FCHSD2: variants seen among roughly 807,000 people sequenced by gnomAD.
FCHSD2 encodes the protein FCH and double SH3 domains 2.
A neutral mutation model predicts 108.1 loss-of-function variants in FCHSD2; 38 were observed. The ratio of observed to expected loss-of-function variants is 0.35; its 90% CI spans 0.27 to 0.46. The LOEUF (loss-of-function observed/expected upper bound fraction) is 0.46, where lower values mean the gene tolerates loss of function less well. FCHSD2 is among the 20% of genes least tolerant of loss of function. The pLI is 1.00. For missense variants in FCHSD2, 751 were observed against 897.8 expected (o/e 0.84, Z 2.09); for synonymous variants, 279 against 314.7 (o/e 0.89, Z 1.20).
At chr11:73,120,490 G>A (rs1328383637) in intron 2 of FCHSD2, among the ~76,000 whole-genome samples, 2 of 152,164 alleles carry the variant, frequency 1.3e-5, no homozygotes, top group African/African-American at 2.4e-5. Flanking sequence ...GGCACTTTGG[G>A]AAACCAAGGC....
At chr11:73,087,798 T>C (rs552773883) in intron 2 of FCHSD2, among the ~76,000 whole-genome samples, 1 of 152,332 alleles carries the variant, frequency 6.6e-6, no homozygotes, top group South Asian at 2.1e-4. Flanking sequence ...ATTAGTTTCC[T>C]AGGCCTTTAC....
intron 10 of FCHSD2, among the ~76,000 whole-genome samples, chr11:72,893,502 G>C (rs772334552): frequency 2.6e-5 from 4 of 151,760 alleles, no homozygotes; most frequent in African/African-American, 4.8e-5. Flanking sequence ...TTTTAGTAGA[G>C]ATGAGATCTC....
rs1861259880 is a variant in FCHSD2, at chr11:73,141,966, C to A, written c.-89G>T. On this transcript the variant is annotated 5_prime_UTR_variant, in exon 1 of 20. Coordinates refer to ENST00000409418, the MANE Select transcript of FCHSD2 (RefSeq NM_014824.3). ...GGCCGGAGAGGAGGGGACGGCCCAGCGAGCGCGCGCGTGTGTGAAAGGAGC... is the reference window on the plus strand; with the variant it reads ...GGCCGGAGAGGAGGGGACGGCCCAGAGAGCGCGCGCGTGTGTGAAAGGAGC... The A allele has an allele frequency of 1.5e-6, 2 of 1,321,884 alleles. No homozygotes were observed. The highest frequency in any genetic ancestry group is 4.6e-5 in the Admixed American group (2 of 43,280). 81.9% of individuals were successfully genotyped at this position (1,321,884 alleles called of 1,614,324 possible).
intron 3 of FCHSD2, among the ~76,000 whole-genome samples, chr11:73,050,778 C>T (rs1039639682): frequency 6.6e-6 from 1 of 152,152 alleles, no homozygotes; most frequent in Non-Finnish European, 1.5e-5. Flanking sequence ...ATCTCAAATA[C>T]AGCAAATGAA....
At chr11:72,955,733 C>T (rs1856699840) in intron 8 of FCHSD2, among the ~76,000 whole-genome samples, 1 of 152,020 alleles carries the variant, frequency 6.6e-6, no homozygotes, top group Non-Finnish European at 1.5e-5. Flanking sequence ...TCTTAGGAGC[C>T]CTGTGACAGG....
At chr11:72,882,062 A>G (rs1855100743) in intron 12 of FCHSD2, among the ~76,000 whole-genome samples, 1 of 152,100 alleles carries the variant, frequency 6.6e-6, no homozygotes, top group South Asian at 2.1e-4. Context: ...GGAGAATGGC[A>G]TGAAGCCGGG....
At chr11:73,073,794 C>T (rs1189469446) in intron 3 of FCHSD2, among the ~76,000 whole-genome samples, 1 of 152,004 alleles carries the variant, frequency 6.6e-6, no homozygotes, top group Non-Finnish European at 1.5e-5. Flanking sequence ...ACTGGAAGAC[C>T]ACATAAAATC....
chr11:73,090,857 C>T (rs188789967), intron 2 of FCHSD2, among the ~76,000 whole-genome samples: 26 of 152,218 alleles, frequency 1.7e-4, no homozygotes, highest in Non-Finnish European at 2.8e-4. Flanking sequence ...CAACCACCAC[C>T]ACCTCTAATT....
At chr11:73,025,716 T>C (rs1208032393) in intron 3 of FCHSD2, among the ~76,000 whole-genome samples, 1 of 152,216 alleles carries the variant, frequency 6.6e-6, no homozygotes, top group Non-Finnish European at 1.5e-5. Context: ...TGTAGAATTA[T>C]AATCTGTATA....
intron 3 of FCHSD2, among the ~76,000 whole-genome samples, chr11:73,054,672 T>C (rs1269133980): frequency 6.6e-6 from 1 of 151,422 alleles, no homozygotes; most frequent in Admixed American, 6.6e-5. Flanking sequence ...AAGGACCTTT[T>C]CCTGTTATAA....
rs189644324 is a variant in FCHSD2, at chr11:72,939,836, C to G, written c.706-17886G>C. Reference sequence around the variant, plus strand: ...GTTTCACCATGTTTGTCAGGCTGGTCTTGAACTCCTGACCTCAAGTGATCT... The same window carrying G: ...GTTTCACCATGTTTGTCAGGCTGGTGTTGAACTCCTGACCTCAAGTGATCT... On this transcript the variant is annotated intron_variant, in intron 8 of 19. Coordinates refer to ENST00000409418, the MANE Select transcript of FCHSD2 (RefSeq NM_014824.3). Among the ~76,000 whole-genome samples, 6 of 151,816 alleles carry G rather than the reference C, an allele frequency of 4.0e-5. No homozygotes were observed. In the East Asian group the frequency reaches 7.8e-4, roughly 20 times the overall value.
intron 3 of FCHSD2, among the ~76,000 whole-genome samples, chr11:73,022,256 C>T (rs750499807): frequency 1.3e-5 from 2 of 151,948 alleles, no homozygotes; most frequent in Non-Finnish European, 2.9e-5. Context: ...ACTGGAAGCC[C>T]TACTTAGTAC....
intron 8 of FCHSD2, among the ~76,000 whole-genome samples, chr11:72,973,853 T>C (rs12294533): frequency 0.44 from 66,267 of 152,138 alleles, 15,284 homozygotes; most frequent in South Asian, 0.65. Context: ...GCCACATTCA[T>C]GGCTGCACTG....
intron 2 of FCHSD2, among the ~76,000 whole-genome samples, chr11:73,137,848 A>G (rs1861159807): frequency 6.6e-6 from 1 of 152,254 alleles, no homozygotes; most frequent in African/African-American, 2.4e-5. Flanking sequence ...AACGGTAGTA[A>G]CTAAGCCAGG....
chr11:73,109,174 T>C (rs1337804932), intron 2 of FCHSD2, among the ~76,000 whole-genome samples: 1 of 152,214 alleles, frequency 6.6e-6, no homozygotes, highest in Admixed American at 6.5e-5. Context: ...TTTTGTTATT[T>C]TTGCTCAGGA....
chr11:72,978,288 A>G (rs1415560542), intron 8 of FCHSD2, among the ~76,000 whole-genome samples: 2 of 152,156 alleles, frequency 1.3e-5, no homozygotes, highest in Admixed American at 1.3e-4. Context: ...GTGCACATGT[A>G]CCCCAGAACT....
At chr11:72,913,145 C>T (rs1233158900) in intron 9 of FCHSD2, among the ~76,000 whole-genome samples, 1 of 152,114 alleles carries the variant, frequency 6.6e-6, no homozygotes, top group Non-Finnish European at 1.5e-5. Flanking sequence ...ACTCCATCCC[C>T]GTGATTTAAT....
chr11:72,869,817 G>A (rs555207661), intron 12 of FCHSD2, among the ~76,000 whole-genome samples: 1 of 151,994 alleles, frequency 6.6e-6, no homozygotes, highest in Non-Finnish European at 1.5e-5. Flanking sequence ...CCCATTTCCT[G>A]GACTTTTTCT....
At chr11:73,128,903 G>A (rs111536891) in intron 2 of FCHSD2, among the ~76,000 whole-genome samples, 8 of 152,150 alleles carry the variant, frequency 5.3e-5, no homozygotes, top group Admixed American at 2.0e-4. Context: ...ACAGAGTCTC[G>A]CTCTGTTGCC....
Sources: allele counts gnomAD v4.1 joint callset (sites outside exome capture counted in the v4.1 genomes callset), GRCh38; gene constraint gnomAD v4.1.1; transcripts MANE v1.5; gene names NCBI Gene and HGNC (gene_info 2026-07-23, HGNC 2026-07-21).